Variants in CDH6 observed in about 807,000 individuals in gnomAD.
CDH6 encodes cadherin-6.
CDH6 carries 31 observed loss-of-function variants against 78.0 expected under a neutral mutation model. That is an observed-to-expected ratio of 0.40 (90% CI 0.30 to 0.54). CDH6 has a LOEUF of 0.54. Ranked by LOEUF, CDH6 falls within the 20% of genes least tolerant of loss-of-function variation. The pLI is 0.56. For synonymous variants in CDH6, 376 were observed against 368.8 expected (o/e 1.02, Z -0.23); for missense variants, 724 against 975.9 (o/e 0.74, Z 3.44).
At position 31,235,159 on chromosome 5, in the gene CDH6, T is replaced by C. The variant is rs564496825; in HGVS notation, c.-128-32187T>C. On this transcript the variant is annotated intron_variant, in intron 1 of 11. Coordinates refer to ENST00000265071, the MANE Select transcript of CDH6 (RefSeq NM_004932.4). ...TCACCCATTCAATCCTAGATCCTAC[T>C]ACCATATAATCAATTTCTTTAGGGT... Among the ~76,000 whole-genome samples the C allele has an allele frequency of 1.3e-3, 196 of 151,802 alleles. 1 individual carries two copies. Among genetic ancestry groups the C allele is most frequent in the African/African-American group, 4.7e-3 (195 of 41,476 alleles).
intron 1 of CDH6, among the ~76,000 whole-genome samples, chr5:31,216,241 C>T (rs764121639): frequency 4.6e-5 from 7 of 151,648 alleles, no homozygotes; most frequent in African/African-American, 7.3e-5. Flanking sequence ...TTCAGTTGCA[C>T]GTAAACATTA....
rs1188520498 is a variant in CDH6, at chr5:31,324,087, A to G, written c.*779A>G. On this transcript the variant is annotated 3_prime_UTR_variant, in exon 12 of 12. Coordinates refer to ENST00000265071, the MANE Select transcript of CDH6 (RefSeq NM_004932.4). Reference sequence around the variant, plus strand: ...ACCAAGGAAATATATTTTACCATACATTTAAAGTTTTGGCCACCACATGTA... The same window carrying G: ...ACCAAGGAAATATATTTTACCATACGTTTAAAGTTTTGGCCACCACATGTA... 3 of 222,198 alleles carry G rather than the reference A, an allele frequency of 1.4e-5. No homozygotes were observed. The East Asian group carries it at 2.0e-4, about 15-fold the overall frequency. 13.8% of individuals were successfully genotyped at this position (222,198 alleles called of 1,614,324 possible).
At chr5:31,320,603 A>T (rs1738455058) in intron 11 of CDH6, among the ~76,000 whole-genome samples, 1 of 152,182 alleles carries the variant, frequency 6.6e-6, no homozygotes, top group African/African-American at 2.4e-5. Flanking sequence ...AAGGTAGATC[A>T]TGAGCATCCC....
At position 31,324,883 on chromosome 5, in the gene CDH6, G is replaced by A. The variant is rs952215765; in HGVS notation, c.*1575G>A. ...ATCAGAAATTCCAGCGTACTATAAT[G>A]AAAACATCCTTGTTTTGAAAACCTA... On this transcript the variant is annotated 3_prime_UTR_variant, in exon 12 of 12. Transcript: ENST00000265071. 2.0e-5 allele frequency: 4 copies of A among 202,682 alleles called. No individual in the cohort carries two copies. Among genetic ancestry groups the A allele is most frequent in the African/African-American group, 9.2e-5 (4 of 43,678 alleles). The allele number at this position is 202,682 out of a possible 1,614,324, so 12.6% of individuals were successfully genotyped here. A position where few individuals can be genotyped will look rare whatever the true frequency, so the allele number is the denominator to read the frequency against.
At chr5:31,203,625 A>C (rs988826395) in intron 1 of CDH6, among the ~76,000 whole-genome samples, 17 of 150,298 alleles carry the variant, frequency 1.1e-4, no homozygotes, top group African/African-American at 4.2e-4. Flanking sequence ...TATGTGCCAC[A>C]TTTTCTTAAT....
chr5:31,250,988 C>T (rs1434855089), intron 1 of CDH6: 1 of 152,368 alleles, frequency 6.6e-6, no homozygotes, highest in Non-Finnish European at 1.5e-5. Flanking sequence ...TGATGCTCTG[C>T]CTGATGTGAT....
chr5:31,299,565 T>G lies in CDH6; in HGVS notation c.745T>G (p.Ser249Ala). 6.2e-7 allele frequency: 1 copy of G among 1,613,976 alleles called. No homozygotes were observed. The highest frequency in any genetic ancestry group is 8.5e-7 in the Non-Finnish European group (1 of 1,179,930). ...KDMGGQMGGL[S>A]GTTTVNITLT... Reference sequence around the variant, plus strand: ...TATGGGCGGCCAGATGGGAGGATTATCTGGGACCACCACCGTGAACATCAC... The same window carrying G: ...TATGGGCGGCCAGATGGGAGGATTAGCTGGGACCACCACCGTGAACATCAC... The change falls in exon 5 of 12, where the codon TCT becomes GCT. Residue 249 changes from serine to alanine, a missense_variant. Physicochemically the swap from Ser to Ala is moderately conservative, Grantham distance 99. Transcript: ENST00000265071.
At chr5:31,311,340 G>A (rs1738144955) in intron 7 of CDH6, among the ~76,000 whole-genome samples, 1 of 152,172 alleles carries the variant, frequency 6.6e-6, no homozygotes. Context: ...ATGTCCCTCT[G>A]AGACCTCCTC....
At chr5:31,286,240 C>T (rs1316544938) in intron 2 of CDH6, among the ~76,000 whole-genome samples, 6 of 152,110 alleles carry the variant, frequency 3.9e-5, no homozygotes, top group Non-Finnish European at 7.4e-5. Flanking sequence ...CTTTATGAAC[C>T]TGCAATCTAG....
intron 1 of CDH6, among the ~76,000 whole-genome samples, chr5:31,194,864 A>C (rs1740120942): frequency 6.6e-6 from 1 of 152,150 alleles, no homozygotes; most frequent in Non-Finnish European, 1.5e-5. Context: ...ATATTCTGTC[A>C]TGAGTTACCG....
chr5:31,262,494 A>G (rs895400372), intron 1 of CDH6, among the ~76,000 whole-genome samples: 3 of 152,238 alleles, frequency 2.0e-5, no homozygotes, highest in Non-Finnish European at 2.9e-5. Flanking sequence ...AAGAAGAGAC[A>G]TAGTCTATTA....
chr5:31,270,494 T>A (rs931917249), intron 2 of CDH6, among the ~76,000 whole-genome samples: 2 of 152,182 alleles, frequency 1.3e-5, no homozygotes, highest in African/African-American at 4.8e-5. Context: ...CATTTCCTTT[T>A]CCACTTTGAT....
Position 31,263,299 on chromosome 5 carries a change from C to T in CDH6, c.-128-4047C>T, listed in dbSNP as rs190861261. Among the ~76,000 whole-genome samples the T allele has an allele frequency of 3.3e-5, 5 of 150,270 alleles. 2 individuals are homozygous for T. Among genetic ancestry groups the T allele is most frequent in the African/African-American group, 1.2e-4 (5 of 40,900 alleles). On this transcript the variant is annotated intron_variant, in intron 1 of 11. Transcript: ENST00000265071. ...TTTCCAGACAGTTTTGCTCTTGTCG[C>T]CCAGGCTGGAGTGCAATAGCATGAT...
At chr5:31,302,897 A>C (rs2149952439) in intron 6 of CDH6, among the ~76,000 whole-genome samples, 1 of 138,744 alleles carries the variant, frequency 7.2e-6, no homozygotes, top group South Asian at 2.3e-4. Flanking sequence ...GAAAGAAAGA[A>C]AGAAAAAAAG....
chr5:31,264,966 A>G (rs1471286950), intron 1 of CDH6, among the ~76,000 whole-genome samples: 1 of 152,190 alleles, frequency 6.6e-6, no homozygotes, highest in African/African-American at 2.4e-5. Flanking sequence ...TTTCTCTAAA[A>G]CGGCCTTCAG....
intron 1 of CDH6, among the ~76,000 whole-genome samples, chr5:31,264,887 G>A (rs1279181383): frequency 6.6e-6 from 1 of 152,136 alleles, no homozygotes; most frequent in East Asian, 1.9e-4. Context: ...ATATTAAAAA[G>A]AACTAATATT....
chr5:31,298,505 C>T (rs1579895730), intron 4 of CDH6, among the ~76,000 whole-genome samples: 2 of 152,292 alleles, frequency 1.3e-5, no homozygotes, highest in East Asian at 3.9e-4. Flanking sequence ...AAAGCAGCCG[C>T]ACTTTCACTG....
At chr5:31,255,007 C>G (rs1742017786) in intron 1 of CDH6, among the ~76,000 whole-genome samples, 1 of 152,114 alleles carries the variant, frequency 6.6e-6, no homozygotes. Flanking sequence ...CACAAATGCT[C>G]TTTCTATTAA....
chr5:31,315,303 G>T (rs552976217), intron 8 of CDH6, among the ~76,000 whole-genome samples: 13 of 152,194 alleles, frequency 8.5e-5, no homozygotes, highest in African/African-American at 3.1e-4. Context: ...TCTTTGTTAT[G>T]TTTCCTACGT....
Sources: allele counts gnomAD v4.1 joint callset (sites outside exome capture counted in the v4.1 genomes callset), GRCh38; gene constraint gnomAD v4.1.1; transcripts MANE v1.5; gene names NCBI Gene and HGNC (gene_info 2026-07-23, HGNC 2026-07-21).